Variants in PCDHA2 observed in about 807,000 individuals in gnomAD.
PCDHA2 encodes the protein protocadherin alpha 2, also known as protocadherin alpha-2.
PCDHA2 carries 58 observed loss-of-function variants against 66.0 expected under a neutral mutation model. The ratio of observed to expected loss-of-function variants is 0.88; its 90% CI spans 0.71 to 1.09. The LOEUF (loss-of-function observed/expected upper bound fraction) is 1.09, where lower values mean the gene tolerates loss of function less well. PCDHA2 is among the 50% of genes least tolerant of loss of function. PCDHA2 has a pLI of 0.00. For missense variants in PCDHA2, 1,267 were observed against 1,242.3 expected (o/e 1.02, Z -0.30); for synonymous variants, 634 against 554.0 (o/e 1.14, Z -2.03).
At chr5:140,975,130 G>C (rs1445050521) in intron 1 of PCDHA2, among the ~76,000 whole-genome samples, 1 of 152,082 alleles carries the variant, frequency 6.6e-6, no homozygotes, top group Non-Finnish European at 1.5e-5. Flanking sequence ...CTTACTATTG[G>C]CCTGGGGTCA....
chr5:140,841,273 T>C, intron 1 of PCDHA2: 1 of 1,504,492 alleles, frequency 6.6e-7, no homozygotes, highest in Non-Finnish European at 8.9e-7. Flanking sequence ...GTACAGTCGT[T>C]CATCTTTATA....
In PCDHA2 at chr5:140,851,659, C is replaced by T; in HGVS notation, c.2388+54307C>T. The T allele has an allele frequency of 2.2e-6, 2 of 912,906 alleles. 1 individual carries two copies. Among genetic ancestry groups the T allele is most frequent in the Non-Finnish European group, 2.7e-6 (2 of 750,030 alleles). 56.6% of individuals were successfully genotyped at this position (912,906 alleles called of 1,614,324 possible). On this transcript the variant is annotated intron_variant, in intron 1 of 3. Coordinates refer to ENST00000526136, the MANE Select transcript of PCDHA2 (RefSeq NM_018905.3). The stretch of plus-strand genomic sequence containing the variant: ...TTCCTTTCTTCAAGAAGACATTCTC[C>T]TTTTAATTGAAATTTTCTCCATTCA...
At position 140,842,830 on chromosome 5, in the gene PCDHA2, G is replaced by T. The variant is rs1554139431; in HGVS notation, c.2388+45478G>T. ...TGGAGCGGCGGGTGGGCGAGCGCTC[G>T]CTGTCGAGCTACATTTCGGTGCACA... On this transcript the variant is annotated intron_variant, in intron 1 of 3. Coordinates refer to ENST00000526136, the MANE Select transcript of PCDHA2 (RefSeq NM_018905.3). 1.0e-5 allele frequency: 16 copies of T among 1,593,780 alleles called. 3 individuals are homozygous for T. The South Asian group carries it at 1.8e-4, about 18-fold the overall frequency.
At chr5:140,828,241 G>A (rs201142330) in intron 1 of PCDHA2, 20 of 1,613,960 alleles carry the variant, frequency 1.2e-5, no homozygotes, top group East Asian at 6.7e-5. Context: ...GGATCGCGCA[G>A]GACCTGGGGC....
At position 140,875,445 on chromosome 5, in the gene PCDHA2, C is replaced by G; in HGVS notation, c.2388+78093C>G. The G allele has an allele frequency of 2.5e-6, 4 of 1,582,278 alleles. No individual in the cohort carries two copies. The South Asian group carries it at 3.5e-5, about 14-fold the overall frequency. On this transcript the variant is annotated intron_variant, in intron 1 of 3. Transcript: ENST00000526136. Reference sequence around the variant, plus strand: ...CAAGCGATCCCTTAAAACTGATTGTCCCAACTCAGAGGCCCTCATTTTCTG... The same window carrying G: ...CAAGCGATCCCTTAAAACTGATTGTGCCAACTCAGAGGCCCTCATTTTCTG...
intron 1 of PCDHA2, among the ~76,000 whole-genome samples, chr5:140,879,372 G>T (rs1434937494): frequency 1.3e-5 from 2 of 152,172 alleles, no homozygotes; most frequent in African/African-American, 4.8e-5. Context: ...CCAACCTGCA[G>T]AACAAGGTTG....
At chr5:140,934,729 T>G (rs2090016432) in intron 1 of PCDHA2, among the ~76,000 whole-genome samples, 1 of 152,164 alleles carries the variant, frequency 6.6e-6, no homozygotes, top group Non-Finnish European at 1.5e-5. Context: ...CAAGGCCTTT[T>G]TTAGGTGTCA....
chr5:141,009,941 C>T lies in PCDHA2; in HGVS notation c.*4C>T, dbSNP rs976573218. On this transcript the variant is annotated 3_prime_UTR_variant, in exon 4 of 4. Coordinates refer to ENST00000526136, the MANE Select transcript of PCDHA2 (RefSeq NM_018905.3). ...GACTGACAACAGTGACCAGTGAGGT[C>T]CTCAAATGGAAACAAGCCACTTAGC... is the stretch of plus-strand genomic sequence containing the variant. 6.3e-7 allele frequency: 1 copy of T among 1,597,476 alleles called. No individual in the cohort carries two copies. The highest frequency in any genetic ancestry group is 1.4e-5 in the African/African-American group (1 of 73,558).
At chr5:140,803,080 C>A in intron 1 of PCDHA2, 2 of 1,613,930 alleles carry the variant, frequency 1.2e-6, no homozygotes, top group Non-Finnish European at 1.7e-6. Flanking sequence ...GGGCTGTACA[C>A]GGGAGAGATC....
intron 1 of PCDHA2, among the ~76,000 whole-genome samples, chr5:140,965,161 G>A (rs151157194): frequency 1.5e-4 from 23 of 152,334 alleles, no homozygotes; most frequent in African/African-American, 5.5e-4. Flanking sequence ...GAGAAAGGAC[G>A]TTTTAGTGAG....
At chr5:140,954,183 A>T (rs246025) in intron 1 of PCDHA2, among the ~76,000 whole-genome samples, 85,732 of 152,134 alleles carry the variant, frequency 0.56, 24,791 homozygotes, top group African/African-American at 0.69. Flanking sequence ...CCAGTCTATC[A>T]TTGATGGGCA....
intron 1 of PCDHA2, among the ~76,000 whole-genome samples, chr5:140,919,051 T>G (rs1443609855): frequency 1.3e-5 from 2 of 152,238 alleles, no homozygotes; most frequent in Non-Finnish European, 2.9e-5. Flanking sequence ...TTATTGGAAG[T>G]GGAGTATTAA....
chr5:140,962,825 G>A (rs962485906), intron 1 of PCDHA2, among the ~76,000 whole-genome samples: 1 of 152,194 alleles, frequency 6.6e-6, no homozygotes, highest in Non-Finnish European at 1.5e-5. Flanking sequence ...ATGACCATTT[G>A]TCTCTTTTTT....
chr5:140,802,511 G>C (rs782757445), intron 1 of PCDHA2: 3 of 1,614,068 alleles, frequency 1.9e-6, no homozygotes, highest in African/African-American at 2.7e-5. Context: ...TGTGGGCCAC[G>C]GCCAGCGTGT....
chr5:140,945,597 A>G (rs374286655), intron 1 of PCDHA2, among the ~76,000 whole-genome samples: 11 of 152,170 alleles, frequency 7.2e-5, no homozygotes, highest in Non-Finnish European at 1.2e-4. Context: ...CTTCAAAGCT[A>G]TAATAATCAA....
intron 1 of PCDHA2, among the ~76,000 whole-genome samples, chr5:140,941,343 G>C (rs2093045496): frequency 8.8e-6 from 1 of 114,104 alleles, no homozygotes. Context: ...TTCAGATGGA[G>C]TCTTGCTCTG....
intron 1 of PCDHA2, chr5:140,877,029 G>A (rs782501659): frequency 4.7e-5 from 75 of 1,612,228 alleles, no homozygotes; most frequent in Middle Eastern, 2.0e-4. Context: ...AGGTGTACGC[G>A]CTGCAGCCGC....
In PCDHA2 at chr5:140,917,987, A is replaced by G. The variant is rs140618239; in HGVS notation, c.2389-60962A>G. 3.9e-3 allele frequency among the ~76,000 whole-genome samples: 598 copies of G among 152,198 alleles called. 2 individuals are homozygous for G. The highest frequency in any genetic ancestry group is 5.9e-3 in the Admixed American group (90 of 15,276). ...GAATCTGTGAATTGCTTTGGACAGT[A>G]TGGTTATCTTAACAATGTTGTTTCT... On this transcript the variant is annotated intron_variant, in intron 1 of 3. Coordinates refer to ENST00000526136, the MANE Select transcript of PCDHA2 (RefSeq NM_018905.3).
chr5:141,009,582 G>A, intron 3 of PCDHA2, 45 bp from the exon 4 acceptor site: 1 of 1,590,226 alleles, frequency 6.3e-7, no homozygotes, highest in Non-Finnish European at 8.6e-7. Context: ...GGCATCAAGA[G>A]CATGTGTTGA....
Sources: allele counts gnomAD v4.1 joint callset (sites outside exome capture counted in the v4.1 genomes callset), GRCh38; gene constraint gnomAD v4.1.1; transcripts MANE v1.5; gene names NCBI Gene and HGNC (gene_info 2026-07-23, HGNC 2026-07-21).